SLC10A6: variants seen among roughly 807,000 people sequenced by gnomAD.
The protein encoded by SLC10A6 is solute carrier family 10 member 6, also known as sodium-dependent organic anion transporter.
A neutral mutation model predicts 30.0 loss-of-function variants in SLC10A6; 27 were observed. That is an observed-to-expected ratio of 0.90 (90% CI 0.66 to 1.24). The LOEUF (loss-of-function observed/expected upper bound fraction) is 1.24, where lower values mean the gene tolerates loss of function less well. SLC10A6 is among the 50% of genes most tolerant of loss of function. The pLI is 0.00. For missense variants in SLC10A6, 439 were observed against 457.0 expected (o/e 0.96, Z 0.36); for synonymous variants, 166 against 173.8 (o/e 0.95, Z 0.36).
chr4:86,849,145 A>G lies in SLC10A6; in HGVS notation c.-30T>C. The G allele has an allele frequency of 6.3e-7, 1 of 1,579,434 alleles. No homozygotes were observed. Among genetic ancestry groups the G allele is most frequent in the South Asian group, 1.2e-5 (1 of 85,490 alleles). ...TCATCTCCTTAAGGCAGCATTACAA[A>G]TGAACATCGGCAACAATGGCTGGGC... is the stretch of plus-strand genomic sequence containing the variant. On this transcript the variant is annotated 5_prime_UTR_variant, in exon 1 of 6. Coordinates refer to ENST00000273905, the MANE Select transcript of SLC10A6 (RefSeq NM_197965.3).
At chr4:86,841,225 C>G (rs1194831572) in intron 1 of SLC10A6, among the ~76,000 whole-genome samples, 2 of 152,142 alleles carry the variant, frequency 1.3e-5, no homozygotes, top group Non-Finnish European at 2.9e-5. Flanking sequence ...AGATTTATAT[C>G]CGACTGATTC....
chr4:86,847,087 T>C (rs1233942726), intron 1 of SLC10A6, among the ~76,000 whole-genome samples: 2 of 152,174 alleles, frequency 1.3e-5, no homozygotes, highest in Non-Finnish European at 1.5e-5. Flanking sequence ...CTAAATGCCA[T>C]GGGGGAAATG....
rs762656499 is a variant in SLC10A6 at position 86,833,327 on chromosome 4, T to C, written c.475A>G (p.Thr159Ala). ...AGACCTATGTTCTGATAAGGAATGG[T>C]GAGATTCTGCTGAAGACTCCAGGAC... ...TWSWSLQQNL[T>A]IPYQNIGITL... is the part of the protein sequence containing the mutation. The change falls in exon 2 of 6, where the codon ACC (threonine) becomes GCC (alanine). Residue 159 changes from threonine to alanine, a missense_variant. Thr to Ala is a moderately conservative substitution (Grantham distance 58). Transcript: ENST00000273905. The C allele has an allele frequency of 1.2e-6, 2 of 1,613,858 alleles. No homozygotes were observed. The highest frequency in any genetic ancestry group is 1.7e-6 in the Non-Finnish European group (2 of 1,179,780).
intron 1 of SLC10A6, among the ~76,000 whole-genome samples, chr4:86,840,491 G>A (rs1052950329): frequency 6.6e-6 from 1 of 151,940 alleles, no homozygotes; most frequent in Non-Finnish European, 1.5e-5. Context: ...GACCTACCCT[G>A]ATCCGAGGGC....
rs1746315380 is a variant in SLC10A6 at position 86,842,798 on chromosome 4, CTTTCTTTCTTTCTT to C, written c.377+5927_377+5940del. Among the ~76,000 whole-genome samples, 4 of 5,312 alleles carry C rather than the reference CTTTCTTTCTTTCTT, an allele frequency of 7.5e-4. 1 individual carries two copies. The highest frequency in any genetic ancestry group is 6.5e-3 in the African/African-American group (3 of 462). 3.5% of individuals were successfully genotyped at this position (5,312 alleles called of 152,430 possible). The stretch of plus-strand genomic sequence containing the variant: ...AAATGGACACCTCTTTTCTTTCTTT[CTTTCTTTCTTTCTT>C]TCTTTCTTTCTTTCTTTCTTTCTTT... On this transcript the variant is annotated intron_variant, in intron 1 of 5. Transcript: ENST00000273905.
At chr4:86,840,092 TA>T (rs992428778) in intron 1 of SLC10A6, among the ~76,000 whole-genome samples, 38 of 150,202 alleles carry the variant, frequency 2.5e-4, no homozygotes, top group African/African-American at 8.1e-4. Flanking sequence ...TTTTTTTTTT[TA>T]ATTTTTAGTA....
intron 1 of SLC10A6, among the ~76,000 whole-genome samples, chr4:86,835,213 T>C (rs1034727605): frequency 6.6e-6 from 1 of 152,130 alleles, no homozygotes; most frequent in Non-Finnish European, 1.5e-5. Context: ...AGCTCCCCAT[T>C]GGATAGGGCA....
intron 3 of SLC10A6, among the ~76,000 whole-genome samples, chr4:86,828,647 T>C (rs1746034994): frequency 6.6e-6 from 1 of 151,990 alleles, no homozygotes; most frequent in Non-Finnish European, 1.5e-5. Context: ...TTGATCCCTG[T>C]CCTTCTCCCC....
At chr4:86,826,290 TAAAC>T (rs1314643296) in intron 4 of SLC10A6, among the ~76,000 whole-genome samples, 1 of 151,854 alleles carries the variant, frequency 6.6e-6, no homozygotes, top group East Asian at 1.9e-4. Context: ...TAAAAACAAA[TAAAC>T]AAGGCCAGGC....
intron 5 of SLC10A6, 143 bp downstream of exon 5, chr4:86,825,277 G>A (rs1246457839): frequency 1.5e-6 from 1 of 657,536 alleles, no homozygotes; most frequent in Non-Finnish European, 2.5e-6. Context: ...CTGTCTATGT[G>A]CCTTATCGTC....
intron 1 of SLC10A6, among the ~76,000 whole-genome samples, chr4:86,843,765 A>G (rs956190781): frequency 6.6e-6 from 1 of 152,094 alleles, no homozygotes; most frequent in African/African-American, 2.4e-5. Context: ...CCTGCCTTAT[A>G]TAATAATAAT....
chr4:86,835,406 C>T (rs1305319677), intron 1 of SLC10A6, among the ~76,000 whole-genome samples: 1 of 152,166 alleles, frequency 6.6e-6, no homozygotes, highest in Non-Finnish European at 1.5e-5. Context: ...GTGGCTCATG[C>T]CTGTAATCCC....
rs759417108 is a variant in SLC10A6, at chr4:86,833,312, T to A, written c.490A>T (p.Asn164Tyr). 1.9e-6 allele frequency: 3 copies of A among 1,610,200 alleles called. No homozygotes were observed. The highest frequency in any genetic ancestry group is 2.7e-5 in the African/African-American group (2 of 74,828). Residue 164 changes from asparagine (N) to tyrosine (Y), a missense_variant, in exon 2 of 6, where the codon AAC becomes TAC. Coordinates refer to ENST00000273905, the MANE Select transcript of SLC10A6 (RefSeq NM_197965.3). The part of the protein sequence containing the change: ...LQQNLTIPYQ[N>Y]IGITLVCLTI... Reference sequence around the variant, plus strand: ...TTCCCAGGCCCATACAGACCTATGTTCTGATAAGGAATGGTGAGATTCTGC... The same window carrying A: ...TTCCCAGGCCCATACAGACCTATGTACTGATAAGGAATGGTGAGATTCTGC...
intron 1 of SLC10A6, among the ~76,000 whole-genome samples, chr4:86,847,450 A>T (rs990680922): frequency 6.6e-6 from 1 of 152,256 alleles, no homozygotes; most frequent in African/African-American, 2.4e-5. Flanking sequence ...AGCAATGTAT[A>T]TTAATGGCTT....
intron 1 of SLC10A6, among the ~76,000 whole-genome samples, chr4:86,837,225 G>GAGAGAGAAAGAAAGAA (rs1553899172): frequency 2.6e-4 from 10 of 39,136 alleles, no homozygotes; most frequent in Non-Finnish European, 4.2e-4. Context: ...GAGAGAGAGA[G>GAGAGAGAAAGAAAGAA]AGAAAGAAAG....
At chr4:86,846,190 C>T (rs371643358) in intron 1 of SLC10A6, among the ~76,000 whole-genome samples, 3 of 152,136 alleles carry the variant, frequency 2.0e-5, no homozygotes, top group African/African-American at 7.2e-5. Context: ...TCACACCGTA[C>T]TTGATTTTCA....
chr4:86,841,023 A>G (rs1746280833), intron 1 of SLC10A6, among the ~76,000 whole-genome samples: 1 of 152,202 alleles, frequency 6.6e-6, no homozygotes, highest in Non-Finnish European at 1.5e-5. Context: ...CTGTTTAGAA[A>G]GTTTTTTCCA....
rs780203271 is a variant in SLC10A6, at chr4:86,823,856, C to CT, written c.965dup (p.Asn323GlufsTer27). 4.4e-5 allele frequency: 71 copies of CT among 1,613,732 alleles called. No individual in the cohort carries two copies. Among genetic ancestry groups the CT allele is most frequent in the South Asian group, 3.7e-4 (34 of 90,986 alleles). On this transcript the variant is annotated frameshift_variant, in exon 6 of 6. Transcript: ENST00000273905. LOFTEE classifies it low-confidence loss of function (END_TRUNC). Reference sequence around the variant, plus strand: ...GGCAGACTTCTGTGCAACCTGAGTTCTTTTTTCCATGTTTGTTCTTCAATC... The same window carrying CT: ...GGCAGACTTCTGTGCAACCTGAGTTCTTTTTTTCCATGTTTGTTCTTCAATC...
intron 1 of SLC10A6, among the ~76,000 whole-genome samples, chr4:86,836,290 G>A (rs1746183339): frequency 6.6e-6 from 1 of 152,204 alleles, no homozygotes. Flanking sequence ...AGAGGGGGAA[G>A]AGTACTTGGT....
Sources: gnomAD v4.1 joint callset for allele counts (sites outside exome capture counted in the v4.1 genomes callset) on GRCh38, gnomAD v4.1.1 for gene constraint, MANE v1.5 for transcripts, NCBI Gene and HGNC (gene_info 2026-07-23, HGNC 2026-07-21) for gene names.